The following NHS variants were observed in gnomAD, a reference collection of about 807,000 sequenced individuals.
The protein encoded by NHS is NHS actin remodeling regulator, also known as actin remodeling regulator NHS.
A neutral mutation model predicts 72.5 loss-of-function variants in NHS; 5 were observed. The ratio of observed to expected loss-of-function variants is 0.07; its 90% confidence interval spans 0.04 to 0.14. NHS has a LOEUF of 0.14. Ranked by LOEUF, NHS falls within the 10% of genes least tolerant of loss-of-function variation. The pLI is 1.00. For missense variants in NHS, 1,072 were observed against 1,355.7 expected (o/e 0.79, Z 3.29); for synonymous variants, 464 against 547.7 (o/e 0.85, Z 2.13).
intron 1 of NHS, among the ~76,000 whole-genome samples, chrX:17,405,458 A>G (rs1231798249): frequency 9.0e-6 from 1 of 111,648 alleles, no homozygotes; most frequent in Non-Finnish European, 1.9e-5. Context: ...TAGGTGATTC[A>G]GTTTAATCAT....
chrX:17,701,609 G>A (rs914852684), intron 3 of NHS, among the ~76,000 whole-genome samples: 2 of 111,779 alleles, frequency 1.8e-5, no homozygotes, highest in African/African-American at 3.3e-5. Flanking sequence ...GCCACAGCTT[G>A]TGAGTTACTG....
intron 1 of NHS, among the ~76,000 whole-genome samples, chrX:17,630,378 A>T (rs2065818721): frequency 9.2e-6 from 1 of 108,199 alleles, no homozygotes; most frequent in Non-Finnish European, 1.9e-5. Context: ...GCAGAGTGCA[A>T]AGCTGACCAC....
chrX:17,590,099 A>AT (rs2065595876), intron 1 of NHS, among the ~76,000 whole-genome samples: 1 of 112,145 alleles, frequency 8.9e-6, no homozygotes, highest in African/African-American at 3.2e-5. Context: ...ATGGGCAAAC[A>AT]TTTTTTAAAT....
intron 1 of NHS, among the ~76,000 whole-genome samples, chrX:17,532,032 C>G (rs1320502586): frequency 9.0e-6 from 1 of 111,142 alleles, no homozygotes; most frequent in South Asian, 3.8e-4. Context: ...CTTGTCTCCC[C>G]AGGAGCTGGT....
At chrX:17,669,893 C>G (rs1481755148) in intron 1 of NHS, among the ~76,000 whole-genome samples, 4 of 112,443 alleles carry the variant, frequency 3.6e-5, no homozygotes, top group African/African-American at 1.3e-4. Flanking sequence ...TCCCATAGTT[C>G]AGGCCCTGAA....
chrX:17,380,993 G>C (rs1362530942), intron 1 of NHS, among the ~76,000 whole-genome samples: 1 of 110,816 alleles, frequency 9.0e-6, no homozygotes, highest in Non-Finnish European at 1.9e-5. Flanking sequence ...TAAAGTATGG[G>C]GTGAGGTCAT....
chrX:17,446,942 A>T (rs1360177205), intron 1 of NHS, among the ~76,000 whole-genome samples: 4 of 111,792 alleles, frequency 3.6e-5, no homozygotes, highest in Non-Finnish European at 7.5e-5. Context: ...TATATCTTAA[A>T]CTTCTTTTTT....
At position 17,692,332 on chromosome X, in the gene NHS, C is replaced by T. The variant is rs751413079; in HGVS notation, c.719-3C>T. On this transcript the variant is annotated splice_region_variant and splice_polypyrimidine_tract_variant and intron_variant, in intron 2 of 8. Transcript: ENST00000676302. ...CAGTATTACTGCTTTTTCTCCTTCT[C>T]AGAACACCGGAGCCGGAGCGATCGC... 4 of 1,207,661 alleles carry T rather than the reference C, an allele frequency of 3.3e-6. No homozygotes were observed. The highest frequency in any genetic ancestry group is 4.5e-6 in the Non-Finnish European group (4 of 894,464).
intron 1 of NHS, among the ~76,000 whole-genome samples, chrX:17,661,036 C>T (rs937111612): frequency 6.3e-5 from 7 of 111,642 alleles, no homozygotes; most frequent in African/African-American, 2.0e-4. Context: ...CTGAAACTAA[C>T]GAATCATTTA....
chrX:17,617,495 A>G (rs1363053269), intron 1 of NHS, among the ~76,000 whole-genome samples: 1 of 112,405 alleles, frequency 8.9e-6, no homozygotes, highest in Non-Finnish European at 1.9e-5. Flanking sequence ...GCCTTCCTTC[A>G]AGTTTCCCAT....
chrX:17,380,583 G>A (rs1278321463), intron 1 of NHS, among the ~76,000 whole-genome samples: 6 of 110,988 alleles, frequency 5.4e-5, no homozygotes, highest in Admixed American at 3.8e-4. Context: ...GAACTCTTGC[G>A]CTGAAGCAGT....
chrX:17,710,776 G>T (rs898685818), intron 3 of NHS, among the ~76,000 whole-genome samples: 26 of 112,217 alleles, frequency 2.3e-4, no homozygotes, highest in African/African-American at 8.1e-4. Flanking sequence ...AATAAAAAGG[G>T]GAAAACAGTA....
intron 1 of NHS, among the ~76,000 whole-genome samples, chrX:17,436,438 C>T (rs1223726935): frequency 9.0e-6 from 1 of 110,628 alleles, no homozygotes; most frequent in Non-Finnish European, 1.9e-5. Flanking sequence ...TTTTTCTAGA[C>T]ACCTTGGACA....
intron 3 of NHS, among the ~76,000 whole-genome samples, chrX:17,709,090 A>G (rs2066313414): frequency 9.0e-6 from 1 of 111,135 alleles, no homozygotes; most frequent in Non-Finnish European, 1.9e-5. Flanking sequence ...TGATGCCTAT[A>G]TACCTCCCAT....
intron 1 of NHS, among the ~76,000 whole-genome samples, chrX:17,386,759 C>A (rs755160229): frequency 9.1e-6 from 1 of 110,332 alleles, no homozygotes. Flanking sequence ...TGTAAAAATG[C>A]TCTTATGGCC....
chrX:17,576,852 A>G (rs1407685954), intron 1 of NHS, among the ~76,000 whole-genome samples: 3 of 111,968 alleles, frequency 2.7e-5, no homozygotes, highest in Non-Finnish European at 5.6e-5. Flanking sequence ...ATGGGCACTT[A>G]TCCAGCCTTG....
chrX:17,699,715 G>A (rs1210553650), intron 3 of NHS, among the ~76,000 whole-genome samples: 1 of 111,821 alleles, frequency 8.9e-6, no homozygotes, highest in Non-Finnish European at 1.9e-5. Context: ...TTAATGGGAT[G>A]CATACTACCA....
chrX:17,583,827 G>T (rs1008162828), intron 1 of NHS, among the ~76,000 whole-genome samples: 2 of 112,168 alleles, frequency 1.8e-5, no homozygotes, highest in Non-Finnish European at 3.8e-5. Flanking sequence ...CTATTTGGTG[G>T]GTTGTAAATT....
Position 17,504,342 on chromosome X carries a change from A to G in NHS, c.565+128020A>G, listed in dbSNP as rs769032252. On this transcript the variant is annotated intron_variant, in intron 1 of 8. Coordinates refer to ENST00000676302, the MANE Select transcript of NHS (RefSeq NM_001291867.2). The stretch of plus-strand genomic sequence containing the variant: ...AGGAGTCTTCTGTAAAAAGATACAT[A>G]TCTACCACCTCTTGAGATTCTCAGC... Among the ~76,000 whole-genome samples, 7 of 112,069 alleles carry G rather than the reference A, an allele frequency of 6.2e-5. No individual in the cohort carries two copies. The South Asian group carries it at 1.5e-3, about 24-fold the overall frequency.
Sources: allele counts gnomAD v4.1 joint callset (sites outside exome capture counted in the v4.1 genomes callset), GRCh38; gene constraint gnomAD v4.1.1; transcripts MANE v1.5; gene names NCBI Gene and HGNC (gene_info 2026-07-23, HGNC 2026-07-21).